The following ZDHHC14 variants were observed in gnomAD, a reference collection of about 807,000 sequenced individuals.
The protein encoded by ZDHHC14 is zDHHC palmitoyltransferase 14, also known as palmitoyltransferase ZDHHC14.
In ZDHHC14, 16 loss-of-function variants were observed where a neutral mutation model predicts 47.7. That is an observed-to-expected ratio of 0.34 (90% CI 0.23 to 0.51). ZDHHC14 has a LOEUF of 0.51. Ranked by LOEUF, ZDHHC14 falls within the 20% of genes least tolerant of loss-of-function variation. ZDHHC14 has a pLI of 0.97. For synonymous variants in ZDHHC14, 293 were observed against 278.9 expected (o/e 1.05, Z -0.50); for missense variants, 515 against 662.5 (o/e 0.78, Z 2.44).
At chr6:157,536,323 T>G (rs1437190603) in intron 1 of ZDHHC14, among the ~76,000 whole-genome samples, 2 of 152,220 alleles carry the variant, frequency 1.3e-5, no homozygotes, top group East Asian at 1.9e-4. Context: ...AAATATCAAA[T>G]GTAGGCCATT....
chr6:157,474,698 A>G (rs982666992), intron 1 of ZDHHC14, among the ~76,000 whole-genome samples: 4 of 152,230 alleles, frequency 2.6e-5, no homozygotes, highest in Admixed American at 1.3e-4. Context: ...CCTGCTGGCC[A>G]TTCATATGTC....
Position 157,673,024 on chromosome 6 carries a change from C to G in ZDHHC14, c.1369C>G (p.Leu457Val), listed in dbSNP as rs761792918. 6.4e-7 allele frequency: 1 copy of G among 1,567,126 alleles called. No individual in the cohort carries two copies. Among genetic ancestry groups the G allele is most frequent in the African/African-American group, 1.3e-5 (1 of 74,078 alleles). The change falls in exon 9 of 9, where the codon CTG (leucine) becomes GTG (valine). Residue 457 changes from leucine to valine, a missense_variant. Leu to Val is a conservative substitution (Grantham distance 32, BLOSUM62 1). Transcript: ENST00000359775. The surrounding 1 kb of genome is among the most constrained non-coding windows in gnomAD (Gnocchi z 5.4). ...CAGGCTACTGGCGGCGGGCAGCCCCCTGGCGCACAGCCGCACCATGCACGT... is the reference window on the plus strand; with the variant it reads ...CAGGCTACTGGCGGCGGGCAGCCCCGTGGCGCACAGCCGCACCATGCACGT... ...PPRLLAAGSP[L>V]AHSRTMHVLG...
intron 7 of ZDHHC14, 92 bp from the exon 8 acceptor site, chr6:157,653,433 G>A (rs1777930891): frequency 4.4e-6 from 6 of 1,366,826 alleles, no homozygotes; most frequent in South Asian, 1.2e-5. Flanking sequence ...GTCACGGGAA[G>A]AGGGAGCCCC....
intron 1 of ZDHHC14, among the ~76,000 whole-genome samples, chr6:157,453,788 T>TTTTGTGTGTGTGTGTGTGTGTG (rs3220439): frequency 4.7e-5 from 7 of 148,098 alleles, no homozygotes; most frequent in African/African-American, 1.8e-4. Flanking sequence ...TTTTTGTGTT[T>TTTTGTGTGTGTGTGTGTGTGTG]TGTGTGTGTG....
rs1169645048 is a variant in ZDHHC14 at position 157,495,062 on chromosome 6, A to AT, written c.246-47512dup. Among the ~76,000 whole-genome samples, 1,028 of 148,510 alleles carry AT rather than the reference A, an allele frequency of 6.9e-3. 5 individuals are homozygous for AT. Among genetic ancestry groups the AT allele is most frequent in the Non-Finnish European group, 9.8e-3 (657 of 66,706 alleles). ...CAGCCTCCCATGGTGCCTTTTTGGG[A>AT]TTTTTTTTTTTATTTTTTCATTTCA... On this transcript the variant is annotated intron_variant, in intron 1 of 8. Coordinates refer to ENST00000359775, the MANE Select transcript of ZDHHC14 (RefSeq NM_024630.3).
chr6:157,429,516 A>G (rs962162642), intron 1 of ZDHHC14, among the ~76,000 whole-genome samples: 10 of 139,178 alleles, frequency 7.2e-5, no homozygotes, highest in Admixed American at 6.0e-4. Context: ...CTTTGCCTCT[A>G]GCTGTATGTA....
At chr6:157,474,492 C>T (rs150469110) in intron 1 of ZDHHC14, among the ~76,000 whole-genome samples, 2,156 of 152,208 alleles carry the variant, frequency 0.014, 48 homozygotes, top group African/African-American at 0.049. Flanking sequence ...AATCTTCATA[C>T]TGTTTTTTAT....
chr6:157,407,802 C>T (rs925106738), intron 1 of ZDHHC14, among the ~76,000 whole-genome samples: 4 of 152,158 alleles, frequency 2.6e-5, no homozygotes, highest in Non-Finnish European at 5.9e-5. Flanking sequence ...CATATTTATT[C>T]CAGGTTGATT....
intron 3 of ZDHHC14, among the ~76,000 whole-genome samples, chr6:157,597,427 C>T (rs1052851794): frequency 2.0e-5 from 3 of 152,154 alleles, no homozygotes; most frequent in African/African-American, 7.2e-5. Flanking sequence ...CGCTGGAATG[C>T]GTATTTTTAG....
intron 1 of ZDHHC14, among the ~76,000 whole-genome samples, chr6:157,467,515 TTTTA>T (rs139585882): frequency 0.42 from 56,520 of 136,072 alleles, 12,221 homozygotes; most frequent in East Asian, 0.65. Flanking sequence ...TCATTCCTCA[TTTTA>T]TTTATTTATT....
At chr6:157,550,859 G>C (rs769833668) in intron 2 of ZDHHC14, among the ~76,000 whole-genome samples, 2 of 152,166 alleles carry the variant, frequency 1.3e-5, no homozygotes, top group South Asian at 4.1e-4. Flanking sequence ...CGATGATGGC[G>C]TACAGCAATG....
At chr6:157,519,664 G>A (rs964886193) in intron 1 of ZDHHC14, among the ~76,000 whole-genome samples, 7 of 152,202 alleles carry the variant, frequency 4.6e-5, no homozygotes, top group African/African-American at 1.7e-4. Context: ...GTCTTAGCCC[G>A]GCCCCTCAAG....
chr6:157,413,018 G>C (rs1777902767), intron 1 of ZDHHC14, among the ~76,000 whole-genome samples: 1 of 152,192 alleles, frequency 6.6e-6, no homozygotes, highest in African/African-American at 2.4e-5. Context: ...TCGGCTCACA[G>C]TACTGAACGG....
chr6:157,429,254 G>T (rs1184081479), intron 1 of ZDHHC14, among the ~76,000 whole-genome samples: 1 of 152,154 alleles, frequency 6.6e-6, no homozygotes, highest in African/African-American at 2.4e-5. Flanking sequence ...AACTTACTAG[G>T]TTGCTGGTCA....
In ZDHHC14 at chr6:157,474,020, G is replaced by A. The variant is rs1203689398; in HGVS notation, c.246-68565G>A. On this transcript the variant is annotated intron_variant, in intron 1 of 8. Coordinates refer to ENST00000359775, the MANE Select transcript of ZDHHC14 (RefSeq NM_024630.3). ...TTTTTTTTTTTTGAGACGGAGTCTCGCTCTATCGCCCAAGCTGGAGTGCAA... is the reference window on the plus strand; with the variant it reads ...TTTTTTTTTTTTGAGACGGAGTCTCACTCTATCGCCCAAGCTGGAGTGCAA... Among the ~76,000 whole-genome samples, 12 of 136,838 alleles carry A rather than the reference G, an allele frequency of 8.8e-5. No homozygotes were observed. In the East Asian group the frequency reaches 1.7e-3, roughly 19 times the overall value. The allele number at this position is 136,838 out of a possible 152,430, so 89.8% of individuals were successfully genotyped here. A position where few individuals can be genotyped will look rare whatever the true frequency, so the allele number is the denominator to read the frequency against.
intron 8 of ZDHHC14, among the ~76,000 whole-genome samples, chr6:157,658,727 T>G (rs1179967871): frequency 2.0e-5 from 3 of 152,252 alleles, no homozygotes; most frequent in Non-Finnish European, 4.4e-5. Context: ...TAGTATTTTG[T>G]TAAGGATCGT....
chr6:157,656,712 A>C (rs956603701), intron 8 of ZDHHC14, among the ~76,000 whole-genome samples: 4 of 91,470 alleles, frequency 4.4e-5, no homozygotes, highest in East Asian at 1.7e-3. Flanking sequence ...ATACCAAAAA[A>C]AAAAAACAAA....
At chr6:157,672,642 GT>G in intron 8 of ZDHHC14, 81 bp from the exon 9 acceptor site, 7 of 107,248 alleles carry the variant, frequency 6.5e-5, no homozygotes, top group East Asian at 3.4e-4. Flanking sequence ...CTCCCCGCCC[GT>G]GCCCTGTCCC....
intron 1 of ZDHHC14, among the ~76,000 whole-genome samples, chr6:157,519,039 A>C (rs1780812318): frequency 6.6e-6 from 1 of 152,168 alleles, no homozygotes; most frequent in African/African-American, 2.4e-5. Context: ...CCCTGTTGTC[A>C]ACACAGCGTT....
Sources: gnomAD v4.1 joint callset for allele counts (sites outside exome capture counted in the v4.1 genomes callset) on GRCh38, gnomAD v4.1.1 for gene constraint, Gnocchi (gnomAD v3.1) non-coding constraint, MANE v1.5 for transcripts, NCBI Gene and HGNC (gene_info 2026-07-23, HGNC 2026-07-21) for gene names.